SCN2A: variants seen among roughly 807,000 people sequenced by gnomAD.
SCN2A encodes the protein sodium channel protein type 2 subunit alpha.
Under a neutral mutation model 188.7 loss-of-function variants are expected in SCN2A, and 20 were observed. That is an observed-to-expected ratio of 0.11 (90% CI 0.07 to 0.15). SCN2A has a LOEUF of 0.15. Among genes scored for constraint, SCN2A ranks in the 10% least tolerant of loss-of-function variants. SCN2A has a pLI of 1.00. For synonymous variants in SCN2A, 804 were observed against 833.1 expected, an observed-to-expected ratio of 0.97 and a Z score of 0.60; for missense variants, 1,278 against 2,445.0, an observed-to-expected ratio of 0.52 and a Z score of 10.07.
rs143802565 is a variant in SCN2A, at chr2:165,375,863, A to G, written c.4254+897A>G. Among the ~76,000 whole-genome samples the G allele has an allele frequency of 2.1e-3, 312 of 152,104 alleles. 3 individuals carry two copies. The highest frequency in any genetic ancestry group is 7.3e-3 in the African/African-American group (302 of 41,532). ...CCCCTATAGACATACACAATGAAAT[A>G]GTATTCAGCCTTTAAAGAAGAAGGA... On this transcript the variant is annotated intron_variant, in intron 22 of 26. Coordinates refer to ENST00000375437, the MANE Select transcript of SCN2A (RefSeq NM_001040142.2).
intron 1 of SCN2A, among the ~76,000 whole-genome samples, chr2:165,263,501 T>C (rs937417239): frequency 6.6e-6 from 1 of 152,080 alleles, no homozygotes; most frequent in Non-Finnish European, 1.5e-5. Context: ...TTCCCTACTT[T>C]ATTTTTTTGT....
At chr2:165,275,713 T>C (rs757040187) in intron 1 of SCN2A, among the ~76,000 whole-genome samples, 8 of 152,138 alleles carry the variant, frequency 5.3e-5, no homozygotes, top group Non-Finnish European at 1.2e-4. Flanking sequence ...CTGTTATGTA[T>C]ACTGGATGTT....
At chr2:165,371,769 A>C (rs1048826505) in intron 20 of SCN2A, 1 of 152,212 alleles carries the variant, frequency 6.6e-6, no homozygotes, top group Admixed American at 6.5e-5. Flanking sequence ...GAAGAATTAC[A>C]TATAGGGAAG....
chr2:165,321,559 G>A (rs1698076574), intron 11 of SCN2A, among the ~76,000 whole-genome samples: 1 of 152,198 alleles, frequency 6.6e-6, no homozygotes, highest in Non-Finnish European at 1.5e-5. Flanking sequence ...CCATGTGGCT[G>A]GGGAAGCCTC....
intron 2 of SCN2A, 33 bp from the exon 3 acceptor site, chr2:165,296,984 G>A (rs1696545806): frequency 9.0e-7 from 1 of 1,110,098 alleles, no homozygotes; most frequent in South Asian, 1.3e-5. Flanking sequence ...TATATTCTAA[G>A]TTTTATTTTA....
At position 165,323,375 on chromosome 2, in the gene SCN2A, G is replaced by A. The variant is rs759191271; in HGVS notation, c.1891G>A (p.Ala631Thr). ...CAGCAATGTCAGCCAGGCCAGCCGTGCCTCCAGGGTGCTCCCCATCCTGCC... is the reference window on the plus strand; with the variant it reads ...CAGCAATGTCAGCCAGGCCAGCCGTACCTCCAGGGTGCTCCCCATCCTGCC... The part of the protein sequence containing the change: ...RHSNVSQASR[A>T]SRVLPILPMN... Residue 631 changes from alanine (A) to threonine (T), a missense_variant, in exon 12 of 27, where the codon GCC (alanine) becomes ACC (threonine). By Grantham distance (58) the Ala-to-Thr change is moderately conservative. Around this residue, in one of 17 missense-constraint regions of SCN2A, gnomAD observed 315 missense variants for 386.6 expected, o/e 0.81. Transcript: ENST00000375437. 1 of 1,614,170 alleles carries A rather than the reference G, an allele frequency of 6.2e-7. No individual in the cohort carries two copies. The highest frequency in any genetic ancestry group is 8.5e-7 in the Non-Finnish European group (1 of 1,180,018).
At chr2:165,298,567 T>A (rs183766863) in intron 3 of SCN2A, among the ~76,000 whole-genome samples, 1 of 152,316 alleles carries the variant, frequency 6.6e-6, no homozygotes, top group East Asian at 1.9e-4. Flanking sequence ...TAAGCAATAA[T>A]GTTTTCTTAC....
At position 165,388,911 on chromosome 2, in the gene SCN2A, A is replaced by G; in HGVS notation, c.5105A>G (p.Asn1702Ser). 6.2e-7 allele frequency: 1 copy of G among 1,614,118 alleles called. No individual in the cohort carries two copies. The highest frequency in any genetic ancestry group is 8.5e-7 in the Non-Finnish European group (1 of 1,179,998). The change falls in exon 27 of 27, where the codon AAC becomes AGC. Residue 1702 changes from asparagine (N) to serine (S), a missense_variant. Around this residue, in one of 17 missense-constraint regions of SCN2A, gnomAD observed 47 missense variants for 109.0 expected, o/e 0.43. Coordinates refer to ENST00000375437, the MANE Select transcript of SCN2A (RefSeq NM_001040142.2). ...ATGTTCAACTTTGAGACCTTTGGCA[A>G]CAGCATGATCTGCCTGTTCCAAATT... The part of the protein sequence containing the change: ...DDMFNFETFG[N>S]SMICLFQITT...
chr2:165,375,385 G>GTC (rs1701254338), intron 22 of SCN2A, among the ~76,000 whole-genome samples: 1 of 143,258 alleles, frequency 7.0e-6, no homozygotes. Context: ...GTGTGTGTGT[G>GTC]TGTGTGTACA....
At chr2:165,370,493 T>A in intron 20 of SCN2A, 194 bp downstream of exon 20, 1 of 593,780 alleles carries the variant, frequency 1.7e-6, no homozygotes, top group Admixed American at 2.7e-5. Context: ...TAGATAAAAA[T>A]CAAATGCCAT....
intron 1 of SCN2A, among the ~76,000 whole-genome samples, chr2:165,281,111 C>T (rs1203540587): frequency 2.0e-5 from 3 of 152,050 alleles, no homozygotes; most frequent in Non-Finnish European, 4.4e-5. Flanking sequence ...GTTCTGGCTA[C>T]TTGGAATGCT....
Position 165,291,756 on chromosome 2 carries a change from C to T in SCN2A, c.-51-4017C>T, listed in dbSNP as rs1696216622. 2.0e-5 allele frequency among the ~76,000 whole-genome samples: 3 copies of T among 151,234 alleles called. No homozygotes were observed. In the Admixed American group the frequency reaches 2.0e-4, roughly 10 times the overall value. On this transcript the variant is annotated intron_variant, in intron 1 of 26. Transcript: ENST00000375437. Reference sequence around the variant, plus strand: ...AAAGCAACCTTCCCAGCTCCAACTCCACTTTTCAGAAATGCTTCTGTACCA... The same window carrying T: ...AAAGCAACCTTCCCAGCTCCAACTCTACTTTTCAGAAATGCTTCTGTACCA...
chr2:165,240,499 GATT>G (rs1693567284), intron 1 of SCN2A, among the ~76,000 whole-genome samples: 1 of 152,090 alleles, frequency 6.6e-6, no homozygotes, highest in Admixed American at 6.6e-5. Context: ...ATCCTTGCTT[GATT>G]ATTATTAGAA....
At chr2:165,299,777 T>C (rs1197700111) in intron 3 of SCN2A, among the ~76,000 whole-genome samples, 1 of 152,222 alleles carries the variant, frequency 6.6e-6, no homozygotes, top group Non-Finnish European at 1.5e-5. Context: ...TAAAAATGCT[T>C]GGAGAGATGG....
intron 25 of SCN2A, among the ~76,000 whole-genome samples, chr2:165,383,599 G>A (rs777945102): frequency 1.3e-5 from 2 of 152,248 alleles, no homozygotes; most frequent in African/African-American, 4.8e-5. Context: ...CACAGAGGCC[G>A]TGTGAATACA....
intron 1 of SCN2A, among the ~76,000 whole-genome samples, chr2:165,282,794 T>G (rs1327989482): frequency 6.6e-6 from 1 of 152,162 alleles, no homozygotes; most frequent in African/African-American, 2.4e-5. Flanking sequence ...AAGTGAATGA[T>G]GGTGGCAACT....
chr2:165,365,923 G>A (rs1213724567), intron 18 of SCN2A, among the ~76,000 whole-genome samples: 4 of 152,228 alleles, frequency 2.6e-5, no homozygotes, highest in South Asian at 4.1e-4. Context: ...GTTATATATT[G>A]TAATAGCAAT....
intron 14 of SCN2A, among the ~76,000 whole-genome samples, chr2:165,342,076 G>T (rs1375814874): frequency 6.6e-6 from 1 of 152,142 alleles, no homozygotes; most frequent in Admixed American, 6.5e-5. Flanking sequence ...TAATTTTATT[G>T]ACTTAATCCG....
At chr2:165,338,142 A>C (rs1450055527) in intron 14 of SCN2A, among the ~76,000 whole-genome samples, 1 of 152,164 alleles carries the variant, frequency 6.6e-6, no homozygotes, top group Non-Finnish European at 1.5e-5. Context: ...CCCACTTATA[A>C]GTGAGAACAT....
Sources: allele counts gnomAD v4.1 joint callset (sites outside exome capture counted in the v4.1 genomes callset), GRCh38; gene constraint gnomAD v4.1.1; regional missense constraint gnomAD v4.1.1; transcripts MANE v1.5; gene names NCBI Gene and HGNC (gene_info 2026-07-23, HGNC 2026-07-21).